NAV2: variants seen among roughly 807,000 people sequenced by gnomAD.
NAV2 encodes the protein neuron navigator 2.
Under a neutral mutation model 223.2 loss-of-function variants are expected in NAV2, and 54 were observed. That is an observed-to-expected ratio of 0.24 (90% confidence interval 0.19 to 0.30). The LOEUF is 0.30. NAV2 is among the 10% of genes least tolerant of loss of function. The probability of loss-of-function intolerance (pLI) is 1.00; values close to 1 mark genes in which losing one functional copy is unlikely to be tolerated. For synonymous variants in NAV2, 1,279 were observed against 1,239.3 expected (o/e 1.03, Z -0.67); for missense variants, 2,806 against 3,147.5 (o/e 0.89, Z 2.60).
At chr11:20,103,748 A>G (rs201031989) in intron 34 of NAV2, 24 bp downstream of exon 34, 205 of 1,607,702 alleles carry the variant, frequency 1.3e-4, no homozygotes, top group Middle Eastern at 8.3e-4. Context: ...TCCCTTGTCC[A>G]GTTAAACAAT....
At chr11:19,369,066 G>A (rs150324713) in intron 1 of NAV2, among the ~76,000 whole-genome samples, 198 of 152,294 alleles carry the variant, frequency 1.3e-3, no homozygotes, top group Non-Finnish European at 2.1e-3. Flanking sequence ...AGATTGTAAC[G>A]CACATCTAAA....
At chr11:19,964,229 G>A (rs2048567258) in intron 10 of NAV2, among the ~76,000 whole-genome samples, 2 of 152,250 alleles carry the variant, frequency 1.3e-5, no homozygotes, top group Non-Finnish European at 2.9e-5. Flanking sequence ...AGCTGGTGTA[G>A]CTATTTTAGA....
At chr11:19,989,100 G>A (rs1461181899) in intron 11 of NAV2, among the ~76,000 whole-genome samples, 2 of 152,182 alleles carry the variant, frequency 1.3e-5, no homozygotes, top group East Asian at 3.8e-4. Flanking sequence ...CCTGTGGTAG[G>A]TGTAATAATC....
At chr11:19,570,195 A>G (rs935586965) in intron 1 of NAV2, among the ~76,000 whole-genome samples, 3 of 152,208 alleles carry the variant, frequency 2.0e-5, no homozygotes, top group Non-Finnish European at 4.4e-5. Context: ...CTGAAGACAC[A>G]GATTCAAACC....
chr11:20,067,834 C>A (rs1223993456), intron 20 of NAV2, among the ~76,000 whole-genome samples: 1 of 151,834 alleles, frequency 6.6e-6, no homozygotes, highest in African/African-American at 2.4e-5. Flanking sequence ...TTTAACTAGG[C>A]CTCCTGTATT....
intron 2 of NAV2, 101 bp from the exon 3 acceptor site, chr11:19,842,770 G>A: frequency 9.9e-7 from 1 of 1,011,134 alleles, no homozygotes; most frequent in Middle Eastern, 2.0e-4. Context: ...GACAAACCCT[G>A]GTATGGGCCT....
chr11:19,349,815 C>T (rs1355573602), upstream of NAV2, among the ~76,000 whole-genome samples: 2 of 152,162 alleles, frequency 1.3e-5, no homozygotes, highest in Admixed American at 6.5e-5. Context: ...TCCTCCCTCC[C>T]TGTCCCTCCG....
At chr11:19,738,232 G>A (rs1329788151) in intron 1 of NAV2, among the ~76,000 whole-genome samples, 2 of 152,218 alleles carry the variant, frequency 1.3e-5, no homozygotes, top group African/African-American at 4.8e-5. Flanking sequence ...ACATGCCCCA[G>A]AGTCGGGTCC....
chr11:19,719,600 G>T (rs2050595292), intron 1 of NAV2, among the ~76,000 whole-genome samples: 1 of 152,098 alleles, frequency 6.6e-6, no homozygotes, highest in Admixed American at 6.5e-5. Context: ...GTTACCTAAG[G>T]TCAGATCCAA....
chr11:20,037,405 G>A (rs1389466721), intron 12 of NAV2, among the ~76,000 whole-genome samples: 2 of 151,296 alleles, frequency 1.3e-5, no homozygotes, highest in South Asian at 2.1e-4. Context: ...GAGTGTGGGA[G>A]TAATTCTGTC....
In NAV2 at chr11:19,984,167, G is replaced by A. The variant is rs1300269569; in HGVS notation, c.2688G>A (p.Leu896=). The change falls in exon 11 of 38, where the codon CTG becomes CTA. Residue 896 remains leucine (L), a synonymous_variant. Transcript: ENST00000349880. The part of the protein sequence containing the change: ...DGGLGLYTRR[L]NRLPDGMAVV... ...GACTTGGCCTCTATACCCGTCGCCT[G>A]AACCGGCTCCCTGATGGGATGGCTG... 1.2e-6 allele frequency: 2 copies of A among 1,614,092 alleles called. No homozygotes were observed. The highest frequency in any genetic ancestry group is 3.3e-5 in the Admixed American group (2 of 60,008).
At chr11:19,618,379 TG>T (rs2046865250) in intron 1 of NAV2, among the ~76,000 whole-genome samples, 2 of 100,408 alleles carry the variant, frequency 2.0e-5, no homozygotes, top group African/African-American at 4.0e-5. Flanking sequence ...GATGGATGGA[TG>T]GATGGATGGA....
chr11:19,860,235 G>C (rs1211847433), intron 3 of NAV2, among the ~76,000 whole-genome samples: 1 of 146,322 alleles, frequency 6.8e-6, no homozygotes. Flanking sequence ...CTTCCCAGAC[G>C]GGGTGGCTGC....
chr11:19,593,069 G>A (rs191887925), intron 1 of NAV2, among the ~76,000 whole-genome samples: 3 of 152,070 alleles, frequency 2.0e-5, no homozygotes, highest in Admixed American at 6.5e-5. Context: ...AATCACCACC[G>A]CAATCAAGAT....
intron 1 of NAV2, among the ~76,000 whole-genome samples, chr11:19,448,535 C>T (rs1012118581): frequency 6.6e-6 from 1 of 152,208 alleles, no homozygotes. Flanking sequence ...TCATCTTATA[C>T]TGGGATCCTG....
intron 1 of NAV2, among the ~76,000 whole-genome samples, chr11:19,648,259 T>C (rs2047872197): frequency 6.6e-6 from 1 of 152,240 alleles, no homozygotes; most frequent in African/African-American, 2.4e-5. Context: ...GTCTATTGTT[T>C]CTAGATGGTG....
At position 19,720,921 on chromosome 11, in the gene NAV2, A is replaced by G. The variant is rs543781206; in HGVS notation, c.267+6959A>G. On this transcript the variant is annotated intron_variant, in intron 1 of 37. Coordinates refer to ENST00000349880, the MANE Select transcript of NAV2 (RefSeq NM_145117.5). ...GCCTCACCTATAAAATGGAGAAGATAGTACCTGCTGTACCTTCTTTGAAGT... is the reference window on the plus strand; with the variant it reads ...GCCTCACCTATAAAATGGAGAAGATGGTACCTGCTGTACCTTCTTTGAAGT... Among the ~76,000 whole-genome samples the G allele has an allele frequency of 1.6e-4, 25 of 152,342 alleles. 1 individual carries two copies. In the South Asian group the frequency reaches 5.2e-3, roughly 32 times the overall value.
chr11:19,473,218 C>T (rs2042017705), intron 1 of NAV2, among the ~76,000 whole-genome samples: 1 of 152,088 alleles, frequency 6.6e-6, no homozygotes, highest in East Asian at 1.9e-4. Context: ...GTTAAGCTTG[C>T]TTCTTTCTAT....
intron 1 of NAV2, among the ~76,000 whole-genome samples, chr11:19,611,418 A>T (rs2046640560): frequency 6.6e-6 from 1 of 152,206 alleles, no homozygotes; most frequent in East Asian, 1.9e-4. Flanking sequence ...TTAACCCAAC[A>T]GTCCACAATC....
Sources: gnomAD v4.1 joint callset for allele counts (sites outside exome capture counted in the v4.1 genomes callset) on GRCh38, gnomAD v4.1.1 for gene constraint, MANE v1.5 for transcripts, NCBI Gene and HGNC (gene_info 2026-07-23, HGNC 2026-07-21) for gene names.